The following ZNF385D variants were observed in gnomAD, a reference collection of about 807,000 sequenced individuals.
ZNF385D encodes the protein zinc finger protein 385D, also known as zinc finger protein 659.
In ZNF385D, 15 loss-of-function variants were observed where a neutral mutation model predicts 35.8. That is an observed-to-expected ratio of 0.42 (90% confidence interval 0.28 to 0.64). The LOEUF is 0.64. Among genes scored for constraint, ZNF385D ranks in the 30% least tolerant of loss-of-function variants. ZNF385D has a pLI of 0.23. For missense variants in ZNF385D, 474 were observed against 494.6 expected (o/e 0.96, Z 0.39); for synonymous variants, 212 against 186.8 (o/e 1.13, Z -1.10).
chr3:22,037,535 C>T (rs566002434), intron 3 of ZNF385D, among the ~76,000 whole-genome samples: 8 of 152,164 alleles, frequency 5.3e-5, no homozygotes, highest in Admixed American at 4.6e-4. Context: ...TGTTCATATC[C>T]TTCACCCACT....
intron 2 of ZNF385D, among the ~76,000 whole-genome samples, chr3:22,321,281 T>G (rs538195136): frequency 6.6e-6 from 1 of 151,974 alleles, no homozygotes; most frequent in African/African-American, 2.4e-5. Context: ...ACATATTTTG[T>G]ATAACCTTTT....
At chr3:22,342,364 T>TCCTA (rs993106706) in intron 2 of ZNF385D, among the ~76,000 whole-genome samples, 5 of 150,550 alleles carry the variant, frequency 3.3e-5, no homozygotes, top group African/African-American at 1.2e-4. Flanking sequence ...AAAACCTCAG[T>TCCTA]CCTACCTTTA....
chr3:21,732,361 T>C (rs978039508), intron 1 of ZNF385D, among the ~76,000 whole-genome samples: 39 of 151,984 alleles, frequency 2.6e-4, no homozygotes, highest in Non-Finnish European at 1.5e-4. Context: ...CATGTTCAGG[T>C]TTTGGTGTAG....
At chr3:21,963,303 A>G (rs1702701273) in intron 3 of ZNF385D, among the ~76,000 whole-genome samples, 1 of 152,160 alleles carries the variant, frequency 6.6e-6, no homozygotes, top group African/African-American at 2.4e-5. Context: ...GTTCGGAGGT[A>G]GGATTAAAGC....
chr3:22,310,079 T>C (rs781171406), intron 2 of ZNF385D, among the ~76,000 whole-genome samples: 32 of 152,110 alleles, frequency 2.1e-4, no homozygotes, highest in Non-Finnish European at 3.5e-4. Context: ...TAAATACATC[T>C]GCTAGTCTGG....
intron 3 of ZNF385D, among the ~76,000 whole-genome samples, chr3:21,978,757 G>T (rs1694209534): frequency 6.6e-6 from 1 of 152,020 alleles, no homozygotes; most frequent in Admixed American, 6.6e-5. Flanking sequence ...ACCTTGAAAA[G>T]TCTTCTCGGG....
intron 1 of ZNF385D, among the ~76,000 whole-genome samples, chr3:21,670,049 C>T (rs1038229940): frequency 2.0e-5 from 3 of 152,148 alleles, no homozygotes; most frequent in South Asian, 4.1e-4. Context: ...TTTCATTTCC[C>T]CAGGTGACAA....
rs2079107348 is a variant in ZNF385D, at chr3:21,413,986, T to C, written c.*7228A>G. 1 of 152,116 alleles carries C rather than the reference T, an allele frequency of 6.6e-6. No homozygotes were observed. Among genetic ancestry groups the C allele is most frequent in the African/African-American group, 2.4e-5 (1 of 41,426 alleles). 9.4% of individuals were successfully genotyped at this position (152,116 alleles called of 1,614,324 possible). A position where few individuals can be genotyped will look rare whatever the true frequency, so the allele number is the denominator to read the frequency against. Reference sequence around the variant, plus strand: ...AAAATAGCCAAACATCCAGTTTTTGTGAGAGCTGAATATTTCATCATACAT... The same window carrying C: ...AAAATAGCCAAACATCCAGTTTTTGCGAGAGCTGAATATTTCATCATACAT... On this transcript the variant is annotated 3_prime_UTR_variant, in exon 8 of 8. Transcript: ENST00000281523.
intron 4 of ZNF385D, among the ~76,000 whole-genome samples, chr3:21,502,823 G>A (rs779724188): frequency 1.3e-5 from 2 of 152,168 alleles, no homozygotes. Flanking sequence ...CCAATCTGAA[G>A]CATGTCATGA....
chr3:21,985,536 A>G (rs1341131203), intron 3 of ZNF385D, among the ~76,000 whole-genome samples: 1 of 119,184 alleles, frequency 8.4e-6, no homozygotes, highest in Admixed American at 7.7e-5. Flanking sequence ...CATGGTGGAT[A>G]AGCTTTTTGA....
intron 2 of ZNF385D, among the ~76,000 whole-genome samples, chr3:22,195,703 T>G (rs1330173170): frequency 6.6e-6 from 1 of 152,042 alleles, no homozygotes. Context: ...GCATTAGATA[T>G]TATTTATTTT....
At chr3:21,728,279 TATAATAATA>T (rs111369677) in intron 1 of ZNF385D, among the ~76,000 whole-genome samples, 79 of 144,862 alleles carry the variant, frequency 5.5e-4, no homozygotes, top group Middle Eastern at 3.6e-3. Flanking sequence ...GAACTTAAAG[TATAATAATA>T]ATAATAATAA....
At chr3:22,139,525 A>C (rs548096541) in intron 3 of ZNF385D, among the ~76,000 whole-genome samples, 1 of 152,070 alleles carries the variant, frequency 6.6e-6, no homozygotes, top group East Asian at 1.9e-4. Context: ...ACAACAAACC[A>C]AACACCTCAT....
In ZNF385D at chr3:22,276,074, G is replaced by C. The variant is rs535118092; in HGVS notation, c.106+96376C>G. On this transcript the variant is annotated intron_variant, in intron 2 of 5. Coordinates refer to the ZNF385D transcript ENST00000494108. Reference sequence around the variant, plus strand: ...CACTCCAGCCTGGGTGACAGAGTGAGACTTTGTCTCAAAAAATAAATAAAG... The same window carrying C: ...CACTCCAGCCTGGGTGACAGAGTGACACTTTGTCTCAAAAAATAAATAAAG... 3.3e-5 allele frequency among the ~76,000 whole-genome samples: 5 copies of C among 152,240 alleles called. No homozygotes were observed. The East Asian group carries it at 5.8e-4, about 18-fold the overall frequency.
At chr3:21,930,963 CT>C (rs1212569360) in intron 3 of ZNF385D, among the ~76,000 whole-genome samples, 1 of 152,026 alleles carries the variant, frequency 6.6e-6, no homozygotes, top group Non-Finnish European at 1.5e-5. Context: ...ATAAATTCAA[CT>C]TCATCAAAAT....
intron 2 of ZNF385D, chr3:21,579,578 T>G (rs1193298176): frequency 2.6e-5 from 4 of 152,224 alleles, no homozygotes; most frequent in Non-Finnish European, 5.9e-5. Flanking sequence ...GAGAAAGTCC[T>G]ATATTGGCCT....
At position 21,632,335 on chromosome 3, in the gene ZNF385D, T is replaced by A. The variant is rs142894180; in HGVS notation, c.165+32551A>T. 1.5e-3 allele frequency among the ~76,000 whole-genome samples: 235 copies of A among 152,276 alleles called. 1 individual carries two copies. Among genetic ancestry groups the A allele is most frequent in the East Asian group, 7.0e-3 (36 of 5,174 alleles). ...GTGAGATAACAAAATTGGTAAGTTTTAACTAAAAGTGACCAATTTGAGACT... is the reference window on the plus strand; with the variant it reads ...GTGAGATAACAAAATTGGTAAGTTTAAACTAAAAGTGACCAATTTGAGACT... On this transcript the variant is annotated intron_variant, in intron 2 of 7. Transcript: ENST00000281523.
intron 3 of ZNF385D, among the ~76,000 whole-genome samples, chr3:21,526,860 C>G (rs186349677): frequency 6.6e-6 from 1 of 152,158 alleles, no homozygotes; most frequent in Non-Finnish European, 1.5e-5. Context: ...CTGACGCGAT[C>G]GTTCTTAACT....
intron 3 of ZNF385D, among the ~76,000 whole-genome samples, chr3:22,116,945 C>G (rs987955710): frequency 1.3e-5 from 2 of 151,958 alleles, no homozygotes; most frequent in Non-Finnish European, 1.5e-5. Flanking sequence ...GCCATCATAA[C>G]CACCCTATAC....
Sources: gnomAD v4.1 joint callset for allele counts (sites outside exome capture counted in the v4.1 genomes callset) on GRCh38, gnomAD v4.1.1 for gene constraint, MANE v1.5 for transcripts, NCBI Gene and HGNC (gene_info 2026-07-23, HGNC 2026-07-21) for gene names.